ADCY5: variants seen among roughly 807,000 people sequenced by gnomAD.
ADCY5 encodes adenylate cyclase type 5.
In ADCY5, 30 loss-of-function variants were observed where a neutral mutation model predicts 119.7. That is an observed-to-expected ratio of 0.25 (90% CI 0.19 to 0.34). ADCY5 has a LOEUF of 0.34. Among genes scored for constraint, ADCY5 ranks in the 10% least tolerant of loss-of-function variants. The probability of loss-of-function intolerance (pLI) is 1.00; values close to 1 mark genes in which losing one functional copy is unlikely to be tolerated. For missense variants in ADCY5, 1,324 were observed against 1,775.2 expected (o/e 0.75, Z 4.57); for synonymous variants, 753 against 762.2 (o/e 0.99, Z 0.20).
chr3:123,313,534 C>T (rs893297954), intron 12 of ADCY5, among the ~76,000 whole-genome samples: 9 of 152,138 alleles, frequency 5.9e-5, no homozygotes, highest in Non-Finnish European at 1.5e-5. Flanking sequence ...TCTGAAACCA[C>T]TAGTGAAGAA....
chr3:123,304,332 T>C (rs1940079926), intron 12 of ADCY5, 149 bp from the exon 13 acceptor site: 2 of 638,742 alleles, frequency 3.1e-6, no homozygotes, highest in Non-Finnish European at 5.8e-6. Flanking sequence ...CCTTCCAGCC[T>C]GCAAGGCTCC....
At chr3:123,367,827 A>C in intron 1 of ADCY5, 1 of 1,512,570 alleles carries the variant, frequency 6.6e-7, no homozygotes, top group Non-Finnish European at 8.8e-7. Flanking sequence ...TCTGGGGCTC[A>C]TTTTAGGTCA....
intron 8 of ADCY5, among the ~76,000 whole-genome samples, chr3:123,322,346 C>T (rs915302883): frequency 2.6e-5 from 4 of 152,190 alleles, no homozygotes; most frequent in African/African-American, 7.2e-5. Flanking sequence ...CTGACCTTTC[C>T]CGATGCTCCT....
At chr3:123,310,384 T>G (rs373202607) in intron 12 of ADCY5, among the ~76,000 whole-genome samples, 33 of 152,120 alleles carry the variant, frequency 2.2e-4, no homozygotes, top group African/African-American at 8.0e-4. Flanking sequence ...CAGTGGAACA[T>G]GTGGAGCTGG....
intron 13 of ADCY5, among the ~76,000 whole-genome samples, 174 bp downstream of exon 13, chr3:123,303,879 AAGAGAAGAGAAGAG>A (rs757064653): frequency 0.094 from 12,059 of 127,666 alleles, 595 homozygotes; most frequent in East Asian, 0.17. Context: ...AAGAGAAGAG[AAGAGAAGAGAAGAG>A]AAGAAAGAAC....
Position 123,291,277 on chromosome 3 carries a change from G to T in ADCY5, c.3163C>A (p.Arg1055Ser), listed in dbSNP as rs377330980. The change falls in exon 18 of 21, where the codon CGC becomes AGC. Residue 1055 changes from arginine to serine, a missense_variant. Physicochemically the swap from Arg to Ser is moderately radical, Grantham distance 110. Around this residue, in one of 6 missense-constraint regions of ADCY5, gnomAD observed 178 missense variants for 329.6 expected, o/e 0.54. Coordinates refer to ENST00000462833, the MANE Select transcript of ADCY5 (RefSeq NM_183357.3). ...TAGAGCTCATCATTGCGCCGCTCGC[G>T]GGCCAGGAAGTGAGCGGCCACGTCC... ...PKDVAAHFLA[R>S]ERRNDELYYQ... is the part of the protein sequence containing the mutation. 1 of 1,613,968 alleles carries T rather than the reference G, an allele frequency of 6.2e-7. No homozygotes were observed. The highest frequency in any genetic ancestry group is 1.1e-5 in the South Asian group (1 of 91,084).
chr3:123,331,013 T>A lies in ADCY5; in HGVS notation c.1522A>T (p.Asn508Tyr). ...AGGATCTTAATACGTAAACAGTGAT[T>A]CTCCTGGAAAGCAAATTAATTTTAC... ...FARFDKLAAE[N>Y]HCLRIKILGD... The change falls in exon 5 of 21, where the codon AAT becomes TAT. Residue 508 changes from asparagine to tyrosine, a missense_variant. Asn to Tyr is a moderately radical substitution (Grantham distance 143). Around this residue, in one of 6 missense-constraint regions of ADCY5, gnomAD observed 123 missense variants for 287.9 expected, o/e 0.43. Coordinates refer to ENST00000462833, the MANE Select transcript of ADCY5 (RefSeq NM_183357.3). 6.2e-7 allele frequency: 1 copy of A among 1,605,902 alleles called. No homozygotes were observed. The highest frequency in any genetic ancestry group is 8.5e-7 in the Non-Finnish European group (1 of 1,177,332).
intron 17 of ADCY5, among the ~76,000 whole-genome samples, chr3:123,293,354 C>T (rs528336671): frequency 6.6e-6 from 1 of 152,328 alleles, no homozygotes; most frequent in African/African-American, 2.4e-5. Flanking sequence ...TATCACTTGC[C>T]CATCCCAAGG....
At chr3:123,445,023 T>C (rs1324938121) in intron 1 of ADCY5, among the ~76,000 whole-genome samples, 3 of 152,122 alleles carry the variant, frequency 2.0e-5, no homozygotes, top group Non-Finnish European at 2.9e-5. Flanking sequence ...ATCAAAAGGG[T>C]AAATCAAGTA....
chr3:123,390,835 G>C (rs759025974), intron 1 of ADCY5, among the ~76,000 whole-genome samples: 1 of 152,326 alleles, frequency 6.6e-6, no homozygotes, highest in Admixed American at 6.5e-5. Context: ...CTGCATCCCC[G>C]AGGGTTCATC....
rs9875803 is a variant in ADCY5, at chr3:123,416,602, T to C, written c.1134+30810A>G. 0.058 allele frequency among the ~76,000 whole-genome samples: 8,851 copies of C among 152,182 alleles called. 577 individuals are homozygous for C. The highest frequency in any genetic ancestry group is 0.16 in the African/African-American group (6,580 of 41,512). ...ATAGAGGAAAATACCAACCCGTGGCTCTTACTATTCACAAACTCGCTCTGC... is the reference window on the plus strand; with the variant it reads ...ATAGAGGAAAATACCAACCCGTGGCCCTTACTATTCACAAACTCGCTCTGC... On this transcript the variant is annotated intron_variant, in intron 1 of 20. Transcript: ENST00000462833.
intron 1 of ADCY5, among the ~76,000 whole-genome samples, chr3:123,365,507 A>C (rs1268380725): frequency 6.6e-6 from 1 of 152,210 alleles, no homozygotes; most frequent in African/African-American, 2.4e-5. Flanking sequence ...GTGGCCCCCA[A>C]GCAAGGCATC....
chr3:123,441,947 C>T (rs1945730866), intron 1 of ADCY5, among the ~76,000 whole-genome samples: 1 of 150,602 alleles, frequency 6.6e-6, no homozygotes, highest in Non-Finnish European at 1.5e-5. Context: ...AGAGATCTTC[C>T]CTGTCCTACA....
intron 19 of ADCY5, among the ~76,000 whole-genome samples, chr3:123,288,716 A>T (rs1938944341): frequency 6.6e-6 from 1 of 152,240 alleles, no homozygotes; most frequent in Non-Finnish European, 1.5e-5. Flanking sequence ...TTGTCAAAAT[A>T]AAAGGTTGGG....
At chr3:123,416,411 ACCTCCCAAAGGG>A (rs1335185824) in intron 1 of ADCY5, 3 of 1,401,864 alleles carry the variant, frequency 2.1e-6, no homozygotes, top group Non-Finnish European at 2.8e-6. Flanking sequence ...AGCCTGGACA[ACCTCCCAAAGGG>A]CCTCCCTGTC....
intron 1 of ADCY5, among the ~76,000 whole-genome samples, chr3:123,408,652 T>C (rs920962278): frequency 3.1e-5 from 3 of 98,182 alleles, no homozygotes; most frequent in Admixed American, 1.0e-4. Context: ...CAAGATTGCA[T>C]CTAAAAAAAA....
At chr3:123,305,352 A>G (rs967772180) in intron 12 of ADCY5, among the ~76,000 whole-genome samples, 2 of 152,232 alleles carry the variant, frequency 1.3e-5, no homozygotes, top group East Asian at 3.8e-4. Flanking sequence ...ACAGCTAAGT[A>G]GGTCATGGGG....
chr3:123,336,530 G>A (rs1030181951), intron 3 of ADCY5, among the ~76,000 whole-genome samples: 2 of 152,322 alleles, frequency 1.3e-5, no homozygotes, highest in African/African-American at 2.4e-5. Context: ...AGATGCCCCC[G>A]GGGTAGGAAG....
rs1219536876 is a variant in ADCY5, at chr3:123,396,771, AAGGAAGGAAGGC to A, written c.1135-44202_1135-44191del. ...GAAGGAAGGAAGGAAGGAAGGAAGG[AAGGAAGGAAGGC>A]AGGCAGGCAGGCAGGCAGGCAGGCA... On this transcript the variant is annotated intron_variant, in intron 1 of 20. Transcript: ENST00000462833. Among the ~76,000 whole-genome samples the A allele has an allele frequency of 6.3e-3, 444 of 70,014 alleles. 6 individuals are homozygous for A. Among genetic ancestry groups the A allele is most frequent in the Middle Eastern group, 8.8e-3 (1 of 114 alleles). The allele number at this position is 70,014 out of a possible 152,430, so 45.9% of individuals were successfully genotyped here. A position where few individuals can be genotyped will look rare whatever the true frequency, so the allele number is the denominator to read the frequency against.
Sources: allele counts gnomAD v4.1 joint callset (sites outside exome capture counted in the v4.1 genomes callset), GRCh38; gene constraint gnomAD v4.1.1; regional missense constraint gnomAD v4.1.1; transcripts MANE v1.5; gene names NCBI Gene and HGNC (gene_info 2026-07-23, HGNC 2026-07-21).